MYCBPAP: variants seen among roughly 807,000 people sequenced by gnomAD.
The protein encoded by MYCBPAP is MYCBP-associated protein.
MYCBPAP carries 60 observed loss-of-function variants against 106.1 expected under a neutral mutation model. The observed-to-expected ratio is 0.57, with a 90% confidence interval of 0.46 to 0.70. MYCBPAP has a LOEUF of 0.70. Among genes scored for constraint, MYCBPAP ranks in the 30% least tolerant of loss-of-function variants. The pLI is 0.00. For missense variants in MYCBPAP, 1,064 were observed against 1,169.3 expected, an observed-to-expected ratio of 0.91 and a Z score of 1.31; for synonymous variants, 407 against 440.6, an observed-to-expected ratio of 0.92 and a Z score of 0.95.
In MYCBPAP at chr17:50,531,346, C is replaced by T. The variant is rs749585802; in HGVS notation, c.2744C>T (p.Thr915Ile). ...LHSEVRGLLD[T>I]LVTDLMVLAD... ...TTCCAGGTCCGTGGGCTGCTGGACA[C>T]CCTGGTGACTGACCTGATGGTCCTG... Residue 915 changes from threonine (T) to isoleucine (I), a missense_variant, in exon 19 of 19, where the codon ACC (threonine) becomes ATC (isoleucine). Physicochemically the swap from Thr to Ile is moderately conservative, Grantham distance 89 (BLOSUM62 -1). Transcript: ENST00000323776. 9.9e-6 allele frequency: 16 copies of T among 1,613,080 alleles called. No individual in the cohort carries two copies. Among genetic ancestry groups the T allele is most frequent in the Middle Eastern group, 1.7e-4 (1 of 6,046 alleles).
chr17:50,522,118 C>T (rs917261980), intron 10 of MYCBPAP, 37 bp downstream of exon 10: 12 of 1,566,844 alleles, frequency 7.7e-6, no homozygotes, highest in Non-Finnish European at 1.1e-5. Flanking sequence ...GGGAGAGCCT[C>T]CCTCAGGGGT....
chr17:50,517,629 C>T lies in MYCBPAP; in HGVS notation c.399C>T (p.Ile133=), dbSNP rs749776433. 6.2e-7 allele frequency: 1 copy of T among 1,614,070 alleles called. No individual in the cohort carries two copies. ...ACAGCTTCGATGGCAGTGACCAGAT[C>T]CTGCCCCACCACATCTTGGGGAGTC... ...PGDSFDGSDQ[I]LPHHILGSLQ... is the part of the protein sequence containing the mutation. Residue 133 remains isoleucine, a synonymous_variant, in exon 4 of 19, where the codon ATC becomes ATT. Coordinates refer to ENST00000323776, the MANE Select transcript of MYCBPAP (RefSeq NM_032133.6).
intron 12 of MYCBPAP, 37 bp downstream of exon 12, chr17:50,523,821 G>A (rs1479722781): frequency 1.3e-6 from 2 of 1,580,912 alleles, no homozygotes; most frequent in Admixed American, 1.8e-5. Context: ...GTGGACATCA[G>A]GTAGGGTATC....
At chr17:50,509,420 G>A (rs760298212) in intron 1 of MYCBPAP, 29 of 409,502 alleles carry the variant, frequency 7.1e-5, no homozygotes, top group Non-Finnish European at 1.0e-4. Context: ...GCCACAGGGC[G>A]TCTGATAGCG....
chr17:50,522,968 C>A lies in MYCBPAP; in HGVS notation c.1287C>A (p.Thr429=). ...KRQVGIAAHL[T]FETLEGEKTS... is the part of the protein sequence containing the mutation. ...AGGTTGGGATTGCTGCTCACTTGAC[C>A]TTTGAAACCCTAGAAGGCGAGAAAA... The change falls in exon 11 of 19, where the codon ACC becomes ACA. Residue 429 remains threonine, a synonymous_variant. Transcript: ENST00000323776. 1 of 1,612,772 alleles carries A rather than the reference C, an allele frequency of 6.2e-7. No homozygotes were observed. Among genetic ancestry groups the A allele is most frequent in the Non-Finnish European group, 8.5e-7 (1 of 1,179,018 alleles).
rs780798737 is a variant in MYCBPAP, at chr17:50,516,655, T to C, written c.162T>C (p.Asp54=). The C allele has an allele frequency of 1.9e-5, 31 of 1,614,122 alleles. No individual in the cohort carries two copies. The African/African-American group carries it at 2.7e-4, about 14-fold the overall frequency. ...PEPVSNVLQG[D]DILALAIKKE... ...CTGTTAGCAATGTCCTACAAGGAGA[T>C]GACATTCTTGCCTTGGCCATTAAGA... Residue 54 remains aspartate (D), a synonymous_variant, in exon 2 of 19, where the codon GAT becomes GAC. Transcript: ENST00000323776.
rs1318076335 is a variant in MYCBPAP, at chr17:50,529,169, C to T, written c.2705C>T (p.Thr902Ile). 1.2e-6 allele frequency: 2 copies of T among 1,612,966 alleles called. No individual in the cohort carries two copies. The highest frequency in any genetic ancestry group is 1.7e-6 in the Non-Finnish European group (2 of 1,179,960). ...GACCCCCTGGTCATGGGGAAATACA[C>T]CCAGAGCCTGCACAGTGAGGTGAAG... ...PIDPLVMGKY[T>I]QSLHSEVRGL... is the part of the protein sequence containing the mutation. The change falls in exon 18 of 19, where the codon ACC (threonine) becomes ATC (isoleucine). Residue 902 changes from threonine (T) to isoleucine (I), a missense_variant. Coordinates refer to ENST00000323776, the MANE Select transcript of MYCBPAP (RefSeq NM_032133.6).
chr17:50,522,198 G>A lies in MYCBPAP; in HGVS notation c.1257+117G>A, dbSNP rs75814874. ...CCTGTTTGGGTTTTTATCTGGTCGT[G>A]CATTCAGCACGTCTGAAAATGGTGA... is the stretch of plus-strand genomic sequence containing the variant. On this transcript the variant is annotated intron_variant, in intron 10 of 18. Transcript: ENST00000323776. The A allele has an allele frequency of 4.9e-3, 3,511 of 714,132 alleles. 15 individuals are homozygous for A. The highest frequency in any genetic ancestry group is 6.6e-3 in the Non-Finnish European group (2,784 of 423,408). 44.2% of individuals were successfully genotyped at this position (714,132 alleles called of 1,614,324 possible).
chr17:50,517,398 C>T lies in MYCBPAP; in HGVS notation c.310C>T (p.Leu104Phe), dbSNP rs748666174. The change falls in exon 3 of 19, where the codon CTT becomes TTT. Residue 104 changes from leucine to phenylalanine, a missense_variant. Coordinates refer to ENST00000323776, the MANE Select transcript of MYCBPAP (RefSeq NM_032133.6). The stretch of plus-strand genomic sequence containing the variant: ...GGATCCTAGGAGGAAGGTCTGCCAC[C>T]TTGTAGCACGTCCTGCGAATCCTGA... ...PMDPRRKVCH[L>F]VARPANPDEA... 30 of 1,614,072 alleles carry T rather than the reference C, an allele frequency of 1.9e-5. No homozygotes were observed. The highest frequency in any genetic ancestry group is 2.5e-5 in the Non-Finnish European group (29 of 1,180,040).
In MYCBPAP at chr17:50,524,949, A is replaced by C; in HGVS notation, c.1708A>C (p.Thr570Pro). ...VLQELLMGVL[T>P]PERTPSPVDA... is the part of the protein sequence containing the mutation. ...GCAGGAGCTGCTGATGGGGGTCTTG[A>C]CCCCGGAGCGCACACCATCACCTGT... The change falls in exon 13 of 19, where the codon ACC becomes CCC. Residue 570 changes from threonine (T) to proline (P), a missense_variant. Coordinates refer to ENST00000323776, the MANE Select transcript of MYCBPAP (RefSeq NM_032133.6). 6.2e-7 allele frequency: 1 copy of C among 1,613,870 alleles called. No homozygotes were observed. The highest frequency in any genetic ancestry group is 8.5e-7 in the Non-Finnish European group (1 of 1,179,974).
chr17:50,512,786 A>G (rs1396500596), intron 1 of MYCBPAP, among the ~76,000 whole-genome samples: 1 of 152,176 alleles, frequency 6.6e-6, no homozygotes, highest in Non-Finnish European at 1.5e-5. Context: ...TAAGATACAT[A>G]TATATCCCTG....
chr17:50,513,798 C>T (rs764068441), intron 1 of MYCBPAP, among the ~76,000 whole-genome samples: 3 of 152,226 alleles, frequency 2.0e-5, no homozygotes, highest in Non-Finnish European at 4.4e-5. Flanking sequence ...CAGCTGATCT[C>T]AGTTCTCATA....
At position 50,521,155 on chromosome 17, in the gene MYCBPAP, G is replaced by A. The variant is rs2034243945; in HGVS notation, c.962G>A (p.Arg321Gln). Reference sequence around the variant, plus strand: ...GCTTCATACCGCTACACCTGGGATCGGAGTCTGTTTCTGATCTACCGACGC... The same window carrying A: ...GCTTCATACCGCTACACCTGGGATCAGAGTCTGTTTCTGATCTACCGACGC... ...RDASYRYTWDRSLFLIYRRKE... is the reference protein window; with the variant it reads ...RDASYRYTWDQSLFLIYRRKE... Residue 321 changes from arginine to glutamine, a missense_variant, in exon 8 of 19, where the codon CGG (arginine) becomes CAG (glutamine). By Grantham distance (43) the Arg-to-Gln change is conservative. Transcript: ENST00000323776. 9.9e-6 allele frequency: 16 copies of A among 1,613,624 alleles called. No individual in the cohort carries two copies. The highest frequency in any genetic ancestry group is 1.6e-4 in the Middle Eastern group (1 of 6,080).
At position 50,526,272 on chromosome 17, in the gene MYCBPAP, T is replaced by G; in HGVS notation, c.2169+5T>G. On this transcript the variant is annotated splice_donor_5th_base_variant and intron_variant, in intron 14 of 18. Coordinates refer to ENST00000323776, the MANE Select transcript of MYCBPAP (RefSeq NM_032133.6). The stretch of plus-strand genomic sequence containing the variant: ...TGCTTGGAGGACTTCAGAAAGGTGC[T>G]TCCAAGACCCTGGAAGGCAATGGTA... 1 of 1,589,746 alleles carries G rather than the reference T, an allele frequency of 6.3e-7. No individual in the cohort carries two copies. The highest frequency in any genetic ancestry group is 8.5e-7 in the Non-Finnish European group (1 of 1,172,164).
chr17:50,527,417 C>T lies in MYCBPAP; in HGVS notation c.2291+9C>T, dbSNP rs781305121. On this transcript the variant is annotated intron_variant, in intron 15 of 18. Transcript: ENST00000323776. ...CTCCTGCACCAGATGTGGTAGGTGC[C>T]CTGCCAGGAGAGCTGCCCCATCTCC... 2 of 1,613,700 alleles carry T rather than the reference C, an allele frequency of 1.2e-6. No individual in the cohort carries two copies. Among genetic ancestry groups the T allele is most frequent in the East Asian group, 2.2e-5 (1 of 44,862 alleles).
chr17:50,526,089 C>G lies in MYCBPAP; in HGVS notation c.1991C>G (p.Ala664Gly), dbSNP rs1401052941. Residue 664 changes from alanine to glycine, a missense_variant, in exon 14 of 19, where the codon GCC (alanine) becomes GGC (glycine). Physicochemically the swap from Ala to Gly is moderately conservative, Grantham distance 60 (BLOSUM62 0). Transcript: ENST00000323776. ...CAAGTGCCCCGGCCTGAGAACGAGG[C>G]CCTCAGGGAATCCGGGTCCCAGAAG... Reference protein sequence around the residue: ...ETQVPRPENEALRESGSQKAR... With the variant: ...ETQVPRPENEGLRESGSQKAR... 6.2e-7 allele frequency: 1 copy of G among 1,613,932 alleles called. No homozygotes were observed. The highest frequency in any genetic ancestry group is 2.2e-5 in the East Asian group (1 of 44,874).
intron 1 of MYCBPAP, chr17:50,509,300 G>A (rs2143873873): frequency 1.6e-6 from 1 of 621,644 alleles, no homozygotes; most frequent in South Asian, 1.8e-5. Context: ...TTCCTACCAC[G>A]TGCACTTTCC....
intron 12 of MYCBPAP, 117 bp downstream of exon 12, chr17:50,523,901 A>G (rs2034367043): frequency 7.8e-6 from 8 of 1,028,846 alleles, no homozygotes; most frequent in Non-Finnish European, 9.7e-6. Context: ...TTGGATTTTT[A>G]GCAAACAGGT....
chr17:50,512,315 A>G (rs1313914227), intron 1 of MYCBPAP, among the ~76,000 whole-genome samples: 1 of 151,934 alleles, frequency 6.6e-6, no homozygotes, highest in Non-Finnish European at 1.5e-5. Context: ...CGGCCTCCCA[A>G]AGTGCTGGGA....
Sources: gnomAD v4.1 joint callset for allele counts (sites outside exome capture counted in the v4.1 genomes callset) on GRCh38, gnomAD v4.1.1 for gene constraint, MANE v1.5 for transcripts, NCBI Gene and HGNC (gene_info 2026-07-23, HGNC 2026-07-21) for gene names.